Variants in ITPR1 observed in about 807,000 individuals in gnomAD.
ITPR1 encodes the protein inositol 1,4,5-trisphosphate-gated calcium channel ITPR1.
Under a neutral mutation model 318.4 loss-of-function variants are expected in ITPR1, and 96 were observed. That is an observed-to-expected ratio of 0.30 (90% CI 0.26 to 0.36). The LOEUF (loss-of-function observed/expected upper bound fraction) is 0.36. Among genes scored for constraint, ITPR1 ranks in the 10% least tolerant of loss-of-function variants. The pLI, the probability that ITPR1 is intolerant of heterozygous loss-of-function variation, is 1.00. For missense variants in ITPR1, 2,440 were observed against 3,460.2 expected (o/e 0.71, Z 7.40); for synonymous variants, 1,312 against 1,289.9 (o/e 1.02, Z -0.37).
At chr3:4,590,069 G>A (rs146988552) in intron 4 of ITPR1, among the ~76,000 whole-genome samples, 44 of 151,682 alleles carry the variant, frequency 2.9e-4, no homozygotes, top group African/African-American at 9.7e-4. Context: ...CTTGTTTCAC[G>A]CCTCTGCACA....
chr3:4,615,692 T>C (rs897389910), intron 4 of ITPR1, among the ~76,000 whole-genome samples: 4 of 152,180 alleles, frequency 2.6e-5, no homozygotes, highest in Non-Finnish European at 5.9e-5. Flanking sequence ...TGACTTCTTA[T>C]CACCTTTCCC....
At chr3:4,537,128 G>A (rs756515015) in intron 4 of ITPR1, among the ~76,000 whole-genome samples, 6 of 152,092 alleles carry the variant, frequency 3.9e-5, no homozygotes, top group Non-Finnish European at 8.8e-5. Flanking sequence ...TTCGGGTTTT[G>A]ATATCAAGGT....
At chr3:4,559,239 C>T (rs2086442825) in intron 4 of ITPR1, among the ~76,000 whole-genome samples, 1 of 151,874 alleles carries the variant, frequency 6.6e-6, no homozygotes, top group African/African-American at 2.4e-5. Context: ...GGTGTTATGT[C>T]TCTCTAGTCT....
chr3:4,782,437 T>G, intron 49 of ITPR1, 182 bp from the exon 50 acceptor site: 4 of 475,516 alleles, frequency 8.4e-6, no homozygotes, highest in Admixed American at 3.8e-5. Context: ...GAGAGGTGGA[T>G]TGGTATTGAT....
In ITPR1 at chr3:4,733,118, C is replaced by T. The variant is rs543630270; in HGVS notation, c.5251C>T (p.Arg1751Cys). The change falls in exon 43 of 62, where the codon CGT becomes TGT. Residue 1751 changes from arginine to cysteine, a missense_variant. This residue lies in a region of ITPR1 where 166 missense variants were observed against 143.7 expected (regional missense o/e 1.16). Coordinates refer to ENST00000649015, the MANE Select transcript of ITPR1 (RefSeq NM_001378452.1). The stretch of plus-strand genomic sequence containing the variant: ...GGCGCTCAGGCAAGTTCTGGTCAAC[C>T]GTTACTATGGAAACGTCAGACCTTC... The part of the protein sequence containing the change: ...GEALRQVLVN[R>C]YYGNVRPSGR... 2.5e-6 allele frequency: 4 copies of T among 1,613,592 alleles called. No homozygotes were observed. Among genetic ancestry groups the T allele is most frequent in the African/African-American group, 1.3e-5 (1 of 75,050 alleles).
intron 10 of ITPR1, among the ~76,000 whole-genome samples, chr3:4,648,581 G>A (rs772426876): frequency 6.6e-6 from 1 of 152,152 alleles, no homozygotes; most frequent in Non-Finnish European, 1.5e-5. Flanking sequence ...AGGCCGAGGT[G>A]GGCGGTTCAC....
intron 33 of ITPR1, among the ~76,000 whole-genome samples, chr3:4,696,428 C>T (rs2125254254): frequency 6.6e-6 from 1 of 152,336 alleles, no homozygotes; most frequent in African/African-American, 2.4e-5. Context: ...CAAGTTGTAG[C>T]ATGTATCAGC....
intron 44 of ITPR1, among the ~76,000 whole-genome samples, chr3:4,738,791 T>A (rs2043476158): frequency 1.3e-5 from 2 of 152,166 alleles, no homozygotes; most frequent in Non-Finnish European, 2.9e-5. Context: ...GTAGATGAAA[T>A]GCCATGATGG....
chr3:4,550,615 T>A (rs1172105204), intron 4 of ITPR1, among the ~76,000 whole-genome samples: 1 of 152,070 alleles, frequency 6.6e-6, no homozygotes, highest in African/African-American at 2.4e-5. Context: ...CAGCATGGGC[T>A]GAAAGAAGTA....
intron 6 of ITPR1, among the ~76,000 whole-genome samples, chr3:4,641,632 T>G (rs545469009): frequency 1.3e-5 from 2 of 152,198 alleles, no homozygotes; most frequent in Non-Finnish European, 2.9e-5. Context: ...TGCCTCTGCC[T>G]CCCGAAGTGC....
At chr3:4,601,043 T>C (rs565896284) in intron 4 of ITPR1, among the ~76,000 whole-genome samples, 1 of 152,196 alleles carries the variant, frequency 6.6e-6, no homozygotes, top group African/African-American at 2.4e-5. Context: ...CTTTTGTTAG[T>C]GGTGGTGGGC....
At chr3:4,498,735 A>C (rs920212779) in intron 2 of ITPR1, among the ~76,000 whole-genome samples, 4 of 152,254 alleles carry the variant, frequency 2.6e-5, no homozygotes, top group Non-Finnish European at 4.4e-5. Context: ...AGTTTGACAA[A>C]TAGGTGAACG....
chr3:4,639,290 C>T, intron 5 of ITPR1, 94 bp from the exon 6 acceptor site: 2 of 937,658 alleles, frequency 2.1e-6, no homozygotes, highest in Non-Finnish European at 3.3e-6. Flanking sequence ...TTCGGTGGTT[C>T]TTGTATGAAC....
At chr3:4,692,924 C>T (rs1326666781) in intron 32 of ITPR1, among the ~76,000 whole-genome samples, 1 of 152,102 alleles carries the variant, frequency 6.6e-6, no homozygotes, top group African/African-American at 2.4e-5. Flanking sequence ...AGTTCGAGAC[C>T]AGCCTAGCCA....
In ITPR1 at chr3:4,630,176, C is replaced by T. The variant is rs116286521; in HGVS notation, c.279+2298C>T. ...GCTCAGGGATGACTGCTCTGGAAGG[C>T]GTGAGGAAGTAAGTGCTTGCACCTC... On this transcript the variant is annotated intron_variant, in intron 5 of 61. Transcript: ENST00000649015. 5.1e-3 allele frequency among the ~76,000 whole-genome samples: 775 copies of T among 152,146 alleles called. 14 individuals carry two copies. The highest frequency in any genetic ancestry group is 0.018 in the African/African-American group (728 of 41,510).
chr3:4,494,182 C>T (rs143693629), intron 1 of ITPR1, among the ~76,000 whole-genome samples: 91 of 152,384 alleles, frequency 6.0e-4, no homozygotes, highest in African/African-American at 2.1e-3. Context: ...TTAGTTCCAG[C>T]CTCCCGCACG....
chr3:4,520,965 T>A, intron 3 of ITPR1, 59 bp from the exon 4 acceptor site: 1 of 1,273,356 alleles, frequency 7.9e-7, no homozygotes, highest in Non-Finnish European at 1.1e-6. Context: ...GATTTTTGCA[T>A]AGTGCTAAGA....
intron 4 of ITPR1, among the ~76,000 whole-genome samples, chr3:4,574,175 G>C (rs1182615604): frequency 1.3e-5 from 2 of 151,586 alleles, no homozygotes; most frequent in Non-Finnish European, 2.9e-5. Flanking sequence ...TGAGGTCTAA[G>C]TGGGAAAGTA....
At chr3:4,751,868 C>T (rs1370727714) in intron 44 of ITPR1, among the ~76,000 whole-genome samples, 5 of 152,228 alleles carry the variant, frequency 3.3e-5, no homozygotes, top group Admixed American at 6.5e-5. Context: ...CTTGGATCCC[C>T]TGCTTCCCTG....
Sources: allele counts gnomAD v4.1 joint callset (sites outside exome capture counted in the v4.1 genomes callset), GRCh38; gene constraint gnomAD v4.1.1; regional missense constraint gnomAD v4.1.1; transcripts MANE v1.5; gene names NCBI Gene and HGNC (gene_info 2026-07-23, HGNC 2026-07-21).